The following GPC6 variants were observed in gnomAD, a reference collection of about 807,000 sequenced individuals.
GPC6 encodes the protein glypican 6, also known as glypican-6.
A neutral mutation model predicts 55.2 loss-of-function variants in GPC6; 14 were observed. The ratio of observed to expected loss-of-function variants is 0.25; its 90% confidence interval spans 0.17 to 0.40. The LOEUF (loss-of-function observed/expected upper bound fraction) is 0.40. Ranked by LOEUF, GPC6 falls within the 10% of genes least tolerant of loss-of-function variation. The pLI is 1.00. For missense variants in GPC6, 641 were observed against 708.5 expected (o/e 0.90, Z 1.08); for synonymous variants, 278 against 259.6 (o/e 1.07, Z -0.68).
At chr13:93,527,900 C>G (rs911509053) in intron 1 of GPC6, among the ~76,000 whole-genome samples, 3 of 152,158 alleles carry the variant, frequency 2.0e-5, no homozygotes, top group African/African-American at 7.2e-5. Flanking sequence ...CACTTATAGA[C>G]TGTACCATAG....
At chr13:94,170,430 G>A (rs1888521869) in intron 4 of GPC6, among the ~76,000 whole-genome samples, 1 of 152,208 alleles carries the variant, frequency 6.6e-6, no homozygotes, top group Non-Finnish European at 1.5e-5. Context: ...GTGAGGTTGT[G>A]AGGTGGCTGC....
chr13:93,574,329 G>A (rs980066862), intron 2 of GPC6, among the ~76,000 whole-genome samples: 2 of 152,136 alleles, frequency 1.3e-5, no homozygotes, highest in African/African-American at 4.8e-5. Flanking sequence ...GCAAAAGGCT[G>A]CTATAAGTGA....
chr13:93,699,012 C>T (rs1882577911), intron 2 of GPC6, among the ~76,000 whole-genome samples: 1 of 152,028 alleles, frequency 6.6e-6, no homozygotes, highest in South Asian at 2.1e-4. Flanking sequence ...AATGTTTCAG[C>T]ACAACTTTTA....
chr13:93,794,055 A>G (rs180884457), intron 2 of GPC6, among the ~76,000 whole-genome samples: 39 of 152,300 alleles, frequency 2.6e-4, no homozygotes, highest in African/African-American at 8.9e-4. Flanking sequence ...GAAAATCTTG[A>G]AAAGTCAGGA....
At chr13:93,437,984 C>T (rs1594169146) in intron 1 of GPC6, among the ~76,000 whole-genome samples, 1 of 152,156 alleles carries the variant, frequency 6.6e-6, no homozygotes, top group South Asian at 2.1e-4. Context: ...TCTGAAAATC[C>T]TAGGGCCATT....
chr13:93,495,945 T>C (rs374292762), intron 1 of GPC6, among the ~76,000 whole-genome samples: 4 of 148,744 alleles, frequency 2.7e-5, no homozygotes, highest in East Asian at 2.1e-4. Context: ...GACAGGGACA[T>C]TTAAGTCTGC....
intron 1 of GPC6, among the ~76,000 whole-genome samples, chr13:93,530,787 T>A (rs1881837222): frequency 6.6e-6 from 1 of 152,198 alleles, no homozygotes; most frequent in African/African-American, 2.4e-5. Flanking sequence ...CTGTCATACC[T>A]GCCTGGAGGA....
At chr13:94,328,761 G>A (rs1438595668) in intron 6 of GPC6, among the ~76,000 whole-genome samples, 11 of 152,340 alleles carry the variant, frequency 7.2e-5, no homozygotes, top group Admixed American at 1.3e-4. Flanking sequence ...GTTGCTCCAC[G>A]TCCGCTGGGG....
chr13:93,696,737 C>T (rs775709759), intron 2 of GPC6, among the ~76,000 whole-genome samples: 56 of 151,822 alleles, frequency 3.7e-4, no homozygotes, highest in Middle Eastern at 6.8e-3. Flanking sequence ...ATTCTCCTGC[C>T]TCAGCCTCCC....
At chr13:94,213,749 C>A (rs535146110) in intron 4 of GPC6, among the ~76,000 whole-genome samples, 1 of 152,282 alleles carries the variant, frequency 6.6e-6, no homozygotes, top group South Asian at 2.1e-4. Flanking sequence ...TGGATGACAT[C>A]ACTTCCACCA....
intron 4 of GPC6, among the ~76,000 whole-genome samples, chr13:94,056,998 C>T (rs1884154597): frequency 6.6e-6 from 1 of 152,162 alleles, no homozygotes; most frequent in Non-Finnish European, 1.5e-5. Context: ...ATCATGACCA[C>T]TCATATTTAC....
chr13:94,075,202 A>C (rs1884866684), intron 4 of GPC6, among the ~76,000 whole-genome samples: 1 of 152,190 alleles, frequency 6.6e-6, no homozygotes, highest in African/African-American at 2.4e-5. Flanking sequence ...GAGTCTTCAA[A>C]CTTTAGCATG....
At chr13:94,391,829 C>T (rs754147556) in intron 7 of GPC6, among the ~76,000 whole-genome samples, 12 of 152,176 alleles carry the variant, frequency 7.9e-5, no homozygotes, top group Non-Finnish European at 1.8e-4. Flanking sequence ...TGCTGACCAC[C>T]ATTCTATTTT....
chr13:93,283,326 G>A (rs567374799), intron 1 of GPC6, among the ~76,000 whole-genome samples: 17 of 152,158 alleles, frequency 1.1e-4, no homozygotes, highest in East Asian at 3.9e-4. Context: ...GAAATTTTGC[G>A]GTTGAGAAAA....
rs191222657 is a variant in GPC6, at chr13:93,283,550, T to C, written c.160+55934T>C. ...TCTCACCCAAACACAGTGGATTTGC[T>C]TGGAATGGTGGCATGCCAATTTTCA... On this transcript the variant is annotated intron_variant, in intron 1 of 8. Coordinates refer to ENST00000377047, the MANE Select transcript of GPC6 (RefSeq NM_005708.5). Among the ~76,000 whole-genome samples the C allele has an allele frequency of 5.9e-5, 9 of 152,256 alleles. No individual in the cohort carries two copies. The East Asian group carries it at 1.7e-3, about 29-fold the overall frequency.
chr13:93,654,729 A>G (rs1880577297), intron 2 of GPC6, among the ~76,000 whole-genome samples: 1 of 152,168 alleles, frequency 6.6e-6, no homozygotes. Context: ...TGCTTTCCCC[A>G]ATAGAACCCC....
At chr13:93,250,461 A>G (rs1876747801) in intron 1 of GPC6, among the ~76,000 whole-genome samples, 1 of 152,102 alleles carries the variant, frequency 6.6e-6, no homozygotes, top group African/African-American at 2.4e-5. Context: ...TCACCCTCAC[A>G]TTGGCCTTTC....
chr13:94,315,368 C>G (rs943089018), intron 6 of GPC6, among the ~76,000 whole-genome samples: 70 of 152,324 alleles, frequency 4.6e-4, no homozygotes, highest in Admixed American at 4.1e-3. Context: ...TATGCATTGG[C>G]TGTGAGTCAG....
At chr13:93,928,828 G>C (rs545565522) in intron 3 of GPC6, among the ~76,000 whole-genome samples, 16 of 150,608 alleles carry the variant, frequency 1.1e-4, no homozygotes, top group African/African-American at 3.9e-4. Flanking sequence ...TATCCCGAGA[G>C]AGGGCTTTCT....
Sources: allele counts gnomAD v4.1 joint callset (sites outside exome capture counted in the v4.1 genomes callset), GRCh38; gene constraint gnomAD v4.1.1; transcripts MANE v1.5; gene names NCBI Gene and HGNC (gene_info 2026-07-23, HGNC 2026-07-21).